Variants in DBT observed in about 807,000 individuals in gnomAD.
DBT encodes the protein lipoamide acyltransferase component of branched-chain alpha-keto acid dehydrogenase complex, mitochondrial.
In DBT, 40 loss-of-function variants were observed where a neutral mutation model predicts 51.3. The ratio of observed to expected loss-of-function variants is 0.78; its 90% confidence interval spans 0.61 to 1.02. The LOEUF is 1.02. Ranked by LOEUF, DBT falls within the 50% of genes least tolerant of loss-of-function variation. The probability of loss-of-function intolerance (pLI) is 0.00; values close to 1 mark genes in which losing one functional copy is unlikely to be tolerated. For missense variants in DBT, 510 were observed against 580.2 expected, an observed-to-expected ratio of 0.88 and a Z score of 1.24; for synonymous variants, 181 against 190.4, an observed-to-expected ratio of 0.95 and a Z score of 0.41.
At chr1:100,248,302 A>G (rs1330192813) in intron 1 of DBT, among the ~76,000 whole-genome samples, 1 of 152,188 alleles carries the variant, frequency 6.6e-6, no homozygotes. Context: ...CGACATTGAT[A>G]ATCATAAGCC....
intron 10 of DBT, among the ~76,000 whole-genome samples, chr1:100,202,170 G>A (rs1557942045): frequency 2.0e-5 from 3 of 152,102 alleles, no homozygotes; most frequent in Admixed American, 1.3e-4. Context: ...CATCTCATGT[G>A]CAAAGACACA....
At chr1:100,211,518 A>G (rs539759094) in intron 7 of DBT, among the ~76,000 whole-genome samples, 1 of 152,316 alleles carries the variant, frequency 6.6e-6, no homozygotes, top group South Asian at 2.1e-4. Context: ...CATTCTTAAA[A>G]AGAATTCCCT....
intron 1 of DBT, among the ~76,000 whole-genome samples, chr1:100,242,179 T>C (rs1664262983): frequency 6.6e-6 from 1 of 152,174 alleles, no homozygotes. Flanking sequence ...GTGAAACTTT[T>C]TCATGTATGT....
intron 3 of DBT, among the ~76,000 whole-genome samples, chr1:100,234,110 C>T (rs892486635): frequency 2.0e-5 from 3 of 152,048 alleles, no homozygotes; most frequent in African/African-American, 7.3e-5. Flanking sequence ...GAAGAGGAAC[C>T]TCTACTTTAC....
At chr1:100,240,084 T>G (rs1427900176) in intron 2 of DBT, among the ~76,000 whole-genome samples, 6 of 152,182 alleles carry the variant, frequency 3.9e-5, no homozygotes, top group African/African-American at 1.4e-4. Flanking sequence ...ATCCTTCAAG[T>G]TCTTTACAGA....
chr1:100,196,466 A>C, intron 10 of DBT, 44 bp from the exon 11 acceptor site: 1 of 1,541,292 alleles, frequency 6.5e-7, no homozygotes, highest in Non-Finnish European at 8.8e-7. Context: ...AAAAGAACAA[A>C]GAGTAAACCT....
At chr1:100,237,533 C>G (rs888981654) in intron 2 of DBT, among the ~76,000 whole-genome samples, 22 of 152,092 alleles carry the variant, frequency 1.4e-4, no homozygotes, top group Admixed American at 1.4e-3. Flanking sequence ...AAAAATTTCT[C>G]TGGCAGGAGT....
Position 100,191,443 on chromosome 1 carries a change from A to G in DBT, c.*4812T>C, listed in dbSNP as rs1660797599. On this transcript the variant is annotated 3_prime_UTR_variant, in exon 11 of 11. Coordinates refer to ENST00000370132, the MANE Select transcript of DBT (RefSeq NM_001918.5). ...TGCCACCTCAGCTTCCTCTCTATCC[A>G]TGTCATTAAAGAACTCTCTTAGAAA... 6.6e-6 allele frequency: 1 copy of G among 151,872 alleles called. No individual in the cohort carries two copies. Among genetic ancestry groups the G allele is most frequent in the Non-Finnish European group, 1.5e-5 (1 of 67,972 alleles). 9.4% of individuals were successfully genotyped at this position (151,872 alleles called of 1,614,324 possible).
In DBT at chr1:100,236,093, C is replaced by CT. The variant is rs1225134794; in HGVS notation, c.176-583dup. On this transcript the variant is annotated intron_variant, in intron 2 of 10. Transcript: ENST00000370132. ...CTTTTCAAATTTCTACCCATCCCTC[C>CT]TTTTTTTTTTTGGAGACAGAGTCTC... 6.4e-3 allele frequency among the ~76,000 whole-genome samples: 927 copies of CT among 145,718 alleles called. 6 individuals are homozygous for CT. Among genetic ancestry groups the CT allele is most frequent in the African/African-American group, 0.02 (817 of 40,088 alleles).
intron 8 of DBT, among the ~76,000 whole-genome samples, chr1:100,209,630 T>C (rs1040781111): frequency 1.3e-5 from 2 of 152,046 alleles, no homozygotes; most frequent in African/African-American, 2.4e-5. Context: ...GGCACAATCT[T>C]GGCTCACTGC....
chr1:100,245,510 C>T (rs561658549), intron 1 of DBT, among the ~76,000 whole-genome samples: 1 of 152,304 alleles, frequency 6.6e-6, no homozygotes, highest in African/African-American at 2.4e-5. Flanking sequence ...TACCAATTTG[C>T]CTGAGGTGAC....
chr1:100,189,022 A>T lies in DBT; in HGVS notation c.*7233T>A, dbSNP rs1186502407. ...GAGATTCGTGCTATCTTCAGTGTTTAAGTGGTAATGCCTTTTGTAAAATAA... is the reference window on the plus strand; with the variant it reads ...GAGATTCGTGCTATCTTCAGTGTTTTAGTGGTAATGCCTTTTGTAAAATAA... On this transcript the variant is annotated 3_prime_UTR_variant, in exon 11 of 11. Coordinates refer to ENST00000370132, the MANE Select transcript of DBT (RefSeq NM_001918.5). The T allele has an allele frequency of 6.6e-6, 1 of 152,198 alleles. No homozygotes were observed. The highest frequency in any genetic ancestry group is 1.9e-4 in the East Asian group (1 of 5,190). The allele number at this position is 152,198 out of a possible 1,614,324, so 9.4% of individuals were successfully genotyped here.
In DBT at chr1:100,192,519, T is replaced by C. The variant is rs1172404689; in HGVS notation, c.*3736A>G. 1 of 152,206 alleles carries C rather than the reference T, an allele frequency of 6.6e-6. No homozygotes were observed. The highest frequency in any genetic ancestry group is 1.5e-5 in the Non-Finnish European group (1 of 68,030). The allele number at this position is 152,206 out of a possible 1,614,324, so 9.4% of individuals were successfully genotyped here. A position where few individuals can be genotyped will look rare whatever the true frequency, so the allele number is the denominator to read the frequency against. ...GCCCTGTCATTTCTTTCTTAAACCA[T>C]AGTTTACTTAGAAATCAGCAAGGAA... is the stretch of plus-strand genomic sequence containing the variant. On this transcript the variant is annotated 3_prime_UTR_variant, in exon 11 of 11. Coordinates refer to ENST00000370132, the MANE Select transcript of DBT (RefSeq NM_001918.5).
rs1660853347 is a variant in DBT at position 100,192,375 on chromosome 1, A to G, written c.*3880T>C. The stretch of plus-strand genomic sequence containing the variant: ...TCTACCCTAGAGCCTGGAACTGAAT[A>G]TACAGTTAATAAATAAGTGCAGAAT... On this transcript the variant is annotated 3_prime_UTR_variant, in exon 11 of 11. Transcript: ENST00000370132. 2 of 152,354 alleles carry G rather than the reference A, an allele frequency of 1.3e-5. No individual in the cohort carries two copies. Among genetic ancestry groups the G allele is most frequent in the East Asian group, 3.9e-4 (2 of 5,182 alleles). The allele number at this position is 152,354 out of a possible 1,614,324, so 9.4% of individuals were successfully genotyped here. A position where few individuals can be genotyped will look rare whatever the true frequency, so the allele number is the denominator to read the frequency against.
At chr1:100,241,366 TTG>T (rs58256713) in intron 1 of DBT, among the ~76,000 whole-genome samples, 2,708 of 144,052 alleles carry the variant, frequency 0.019, 38 homozygotes, top group African/African-American at 0.042. Context: ...CTGAAAGGTA[TTG>T]TGTGTGTGTG....
intron 10 of DBT, among the ~76,000 whole-genome samples, chr1:100,199,214 G>GATCA (rs1557940675): frequency 6.6e-6 from 1 of 152,084 alleles, no homozygotes; most frequent in Non-Finnish European, 1.5e-5. Context: ...CATGGTCACC[G>GATCA]ATCACCTTTT....
intron 4 of DBT, 42 bp from the exon 5 acceptor site, chr1:100,218,789 T>TC: frequency 6.2e-7 from 1 of 1,601,240 alleles, no homozygotes; most frequent in East Asian, 2.2e-5. Context: ...AAAAAAAATT[T>TC]TTTTTTTTTA....
chr1:100,240,299 A>T lies in DBT; in HGVS notation c.175+462T>A, dbSNP rs1218615525. Among the ~76,000 whole-genome samples the T allele has an allele frequency of 3.9e-5, 6 of 152,188 alleles. No individual in the cohort carries two copies. In the South Asian group the frequency reaches 1.2e-3, roughly 32 times the overall value. On this transcript the variant is annotated intron_variant, in intron 2 of 10. Transcript: ENST00000370132. The stretch of plus-strand genomic sequence containing the variant: ...TACCTTGACTGAGAAAGTCATATCA[A>T]TGCTGACTATTGCACTTAGATGAGC...
rs765082016 is a variant in DBT at position 100,216,011 on chromosome 1, T to G, written c.744A>C (p.Thr248=). ...TTATGGGTTCTGTTTTGTCTTTGCC[T>G]GTGAATACCGGAGGTTTTGATACTA... ...PILVSKPPVF[T]GKDKTEPIKG... The change falls in exon 6 of 11, where the codon ACA becomes ACC. Residue 248 remains threonine, a synonymous_variant. Coordinates refer to ENST00000370132, the MANE Select transcript of DBT (RefSeq NM_001918.5). 6.2e-7 allele frequency: 1 copy of G among 1,607,922 alleles called. No homozygotes were observed. The highest frequency in any genetic ancestry group is 1.7e-5 in the Admixed American group (1 of 60,016).
Sources: allele counts gnomAD v4.1 joint callset (sites outside exome capture counted in the v4.1 genomes callset), GRCh38; gene constraint gnomAD v4.1.1; transcripts MANE v1.5; gene names NCBI Gene and HGNC (gene_info 2026-07-23, HGNC 2026-07-21).